STAU2: variants seen among roughly 807,000 people sequenced by gnomAD.
STAU2 encodes the protein staufen double-stranded RNA binding protein 2, also known as double-stranded RNA-binding protein Staufen homolog 2.
Under a neutral mutation model 65.9 loss-of-function variants are expected in STAU2, and 20 were observed. The observed-to-expected ratio is 0.30, with a 90% CI of 0.21 to 0.44. The LOEUF is 0.44. STAU2 is among the 20% of genes least tolerant of loss of function. STAU2 has a pLI of 1.00. For synonymous variants in STAU2, 232 were observed against 233.9 expected (o/e 0.99, Z 0.07); for missense variants, 558 against 683.9 (o/e 0.82, Z 2.05).
chr8:73,421,216 C>T lies in STAU2; in HGVS notation c.*156G>A. ...TTTTATTTTTCCCCAGTTGAATAAA[C>T]AGTACCATGTATATTATCTCTCGTG... On this transcript the variant is annotated 3_prime_UTR_variant, in exon 15 of 15. Coordinates refer to ENST00000524300, the MANE Select transcript of STAU2 (RefSeq NM_001164380.2). The T allele has an allele frequency of 3.2e-6, 2 of 624,650 alleles. No individual in the cohort carries two copies. The highest frequency in any genetic ancestry group is 2.2e-5 in the South Asian group (1 of 44,450). The allele number at this position is 624,650 out of a possible 1,614,324, so 38.7% of individuals were successfully genotyped here.
chr8:73,583,881 TTA>T (rs1170145249), intron 11 of STAU2, among the ~76,000 whole-genome samples: 1 of 152,178 alleles, frequency 6.6e-6, no homozygotes, highest in Non-Finnish European at 1.5e-5. Context: ...TTTAGTTATA[TTA>T]TCTTTCTGTA....
intron 6 of STAU2, among the ~76,000 whole-genome samples, chr8:73,620,907 T>C (rs550111823): frequency 1.8e-4 from 27 of 152,314 alleles, no homozygotes; most frequent in African/African-American, 5.5e-4. Flanking sequence ...CTCTCATTAA[T>C]TGCATCCAGA....
rs866160873 is a variant in STAU2, at chr8:73,718,576, G to C, written c.-17-9414C>G. 2.6e-4 allele frequency among the ~76,000 whole-genome samples: 39 copies of C among 152,350 alleles called. 1 individual carries two copies. Among genetic ancestry groups the C allele is most frequent in the Middle Eastern group, 6.8e-3 (2 of 294 alleles). ...GATTCAAAATGTTTTGCCCCTGCAA[G>C]TGTCTGAGAATGACCACAAAAGCAC... On this transcript the variant is annotated intron_variant, in intron 3 of 14. Transcript: ENST00000524300.
chr8:73,616,928 AT>A (rs1414006310), intron 7 of STAU2, among the ~76,000 whole-genome samples: 2 of 152,236 alleles, frequency 1.3e-5, no homozygotes, highest in Admixed American at 6.5e-5. Context: ...CCTCAATGTC[AT>A]TTGTAAAACA....
chr8:73,641,562 G>A (rs1194760563), intron 6 of STAU2, among the ~76,000 whole-genome samples: 1 of 152,162 alleles, frequency 6.6e-6, no homozygotes, highest in East Asian at 1.9e-4. Context: ...TGTATCCACA[G>A]ATCATTCATT....
chr8:73,480,524 GA>G (rs1395074490), intron 13 of STAU2, among the ~76,000 whole-genome samples: 2 of 152,110 alleles, frequency 1.3e-5, no homozygotes, highest in African/African-American at 4.8e-5. Context: ...ACAATGTGCA[GA>G]AAACACATGG....
At chr8:73,575,458 C>A (rs560838836) in intron 12 of STAU2, among the ~76,000 whole-genome samples, 1 of 152,250 alleles carries the variant, frequency 6.6e-6, no homozygotes, top group East Asian at 1.9e-4. Context: ...AGGATACATA[C>A]TCTGTAATGG....
At chr8:73,621,950 TC>T in intron 6 of STAU2, among the ~76,000 whole-genome samples, 1 of 138,684 alleles carries the variant, frequency 7.2e-6, no homozygotes, top group East Asian at 2.3e-4. Context: ...GGTCTTTCTC[TC>T]TTTTTTTTTT....
At chr8:73,463,242 T>G (rs1032656626) in intron 13 of STAU2, among the ~76,000 whole-genome samples, 1 of 152,278 alleles carries the variant, frequency 6.6e-6, no homozygotes, top group African/African-American at 2.4e-5. Context: ...ATAGACCTTG[T>G]GCATGGCAAC....
At chr8:73,598,297 G>A (rs1208721515) in intron 10 of STAU2, among the ~76,000 whole-genome samples, 4 of 145,942 alleles carry the variant, frequency 2.7e-5, no homozygotes, top group Non-Finnish European at 4.5e-5. Context: ...GCACAATCTC[G>A]GCTCACTGCA....
chr8:73,472,139 A>G (rs2128906400), intron 13 of STAU2, among the ~76,000 whole-genome samples: 1 of 152,292 alleles, frequency 6.6e-6, no homozygotes, highest in African/African-American at 2.4e-5. Flanking sequence ...AATTGGGTGG[A>G]GAGGGACAAA....
intron 11 of STAU2, among the ~76,000 whole-genome samples, chr8:73,592,233 G>C (rs1002916357): frequency 4.6e-5 from 7 of 151,008 alleles, no homozygotes; most frequent in Non-Finnish European, 1.0e-4. Context: ...AGAAGAAAAA[G>C]AGAAAAGAAA....
intron 12 of STAU2, among the ~76,000 whole-genome samples, chr8:73,555,496 T>C (rs926112213): frequency 6.6e-6 from 1 of 152,064 alleles, no homozygotes; most frequent in African/African-American, 2.4e-5. Context: ...ATGAGTCCCA[T>C]ATCCCTGGAT....
At chr8:73,594,558 A>C (rs1394799125) in intron 11 of STAU2, among the ~76,000 whole-genome samples, 1 of 152,214 alleles carries the variant, frequency 6.6e-6, no homozygotes, top group African/African-American at 2.4e-5. Flanking sequence ...GAAATAAGCC[A>C]ATTTCTGCCA....
At chr8:73,678,609 A>C (rs977582397) in intron 5 of STAU2, among the ~76,000 whole-genome samples, 5 of 152,182 alleles carry the variant, frequency 3.3e-5, no homozygotes, top group African/African-American at 1.2e-4. Context: ...TAAGACTGTA[A>C]GACACTCACT....
At chr8:73,534,284 G>T (rs905086501) in intron 13 of STAU2, among the ~76,000 whole-genome samples, 1 of 152,128 alleles carries the variant, frequency 6.6e-6, no homozygotes. Flanking sequence ...TTTTCGCAAC[G>T]TCTGCACCTC....
At chr8:73,741,285 A>G (rs1806850197) in intron 1 of STAU2, among the ~76,000 whole-genome samples, 1 of 125,370 alleles carries the variant, frequency 8.0e-6, no homozygotes. Context: ...AGCCTGGGCG[A>G]CAGAGCAAGA....
rs180913229 is a variant in STAU2, at chr8:73,690,972, T to A, written c.115-2159A>T. Among the ~76,000 whole-genome samples the A allele has an allele frequency of 1.3e-3, 198 of 152,298 alleles. 1 individual carries two copies. The highest frequency in any genetic ancestry group is 4.6e-3 in the African/African-American group (193 of 41,554). ...TTTAACAAAGAACTTTGCCACAAAG[T>A]AAGAAAGTTCAAAGGTTTCACATGA... On this transcript the variant is annotated intron_variant, in intron 4 of 14. Transcript: ENST00000524300.
At chr8:73,448,961 G>A (rs1041008231) in intron 13 of STAU2, among the ~76,000 whole-genome samples, 2 of 152,256 alleles carry the variant, frequency 1.3e-5, no homozygotes, top group African/African-American at 4.8e-5. Flanking sequence ...CTGCAGCCCG[G>A]CTGGGGCTGG....
Sources: allele counts gnomAD v4.1 joint callset (sites outside exome capture counted in the v4.1 genomes callset), GRCh38; gene constraint gnomAD v4.1.1; transcripts MANE v1.5; gene names NCBI Gene and HGNC (gene_info 2026-07-23, HGNC 2026-07-21).